GP9: variants seen among roughly 807,000 people sequenced by gnomAD.
The protein encoded by GP9 is glycoprotein IX platelet, also known as platelet glycoprotein IX.
For synonymous variants in GP9, 116 were observed against 116.7 expected (o/e 0.99, Z 0.04); for missense variants, 228 against 241.8 (o/e 0.94, Z 0.38).
chr3:129,058,114 T>C (rs1946538128), upstream of GP9, among the ~76,000 whole-genome samples: 1 of 152,166 alleles, frequency 6.6e-6, no homozygotes, highest in Admixed American at 6.5e-5. Flanking sequence ...AGTGCTGGGA[T>C]TGCAGGCGTG....
chr3:129,061,463 C>T (rs899538292), intron 1 of GP9, 31 bp from the exon 2 acceptor site: 5 of 565,068 alleles, frequency 8.8e-6, no homozygotes, highest in African/African-American at 7.5e-5. Context: ...GTCCCTTCCC[C>T]TTCCCAAAAA....
chr3:129,058,558 GACA>G (rs1295205840), upstream of GP9, among the ~76,000 whole-genome samples: 2 of 152,158 alleles, frequency 1.3e-5, no homozygotes, highest in African/African-American at 4.8e-5. Flanking sequence ...CACTAACATA[GACA>G]CTCCCCCTGG....
At chr3:129,061,650 G>A (rs1402276441) in intron 2 of GP9, 31 bp downstream of exon 2, 6 of 1,119,680 alleles carry the variant, frequency 5.4e-6, no homozygotes, top group African/African-American at 1.5e-5. Flanking sequence ...GTCAGGCTCC[G>A]CTACATCCCC....
chr3:129,061,831 C>G lies in GP9; in HGVS notation c.92C>G (p.Thr31Ser), dbSNP rs1051092529. Residue 31 changes from threonine to serine, a missense_variant, in exon 3 of 3, where the codon ACC becomes AGC. Thr to Ser is a moderately conservative substitution (Grantham distance 58). Coordinates refer to ENST00000307395, the MANE Select transcript of GP9 (RefSeq NM_000174.5). ...PSPCTCRALE[T>S]MGLWVDCRGH... ...CCATGTACCTGCCGCGCCCTGGAAA[C>G]CATGGGGCTGTGGGTGGACTGCAGG... 1 of 1,612,824 alleles carries G rather than the reference C, an allele frequency of 6.2e-7. No homozygotes were observed. Among genetic ancestry groups the G allele is most frequent in the Non-Finnish European group, 8.5e-7 (1 of 1,179,564 alleles).
upstream of GP9, among the ~76,000 whole-genome samples, chr3:129,058,217 C>T (rs1045709633): frequency 5.3e-5 from 8 of 152,192 alleles, no homozygotes; most frequent in Admixed American, 2.0e-4. Flanking sequence ...CCTGATGGGG[C>T]AATGTCCTGG....
At chr3:129,056,850 G>A (rs575864666), upstream of GP9, among the ~76,000 whole-genome samples, 2 of 152,342 alleles carry the variant, frequency 1.3e-5, no homozygotes, top group South Asian at 4.1e-4. Flanking sequence ...GGGAGTGAGG[G>A]ACATGGCTAG....
At chr3:129,055,252 AATTTT>A in the GP9 span, among the ~76,000 whole-genome samples, 1 of 152,144 alleles carries the variant, frequency 6.6e-6, no homozygotes. Context: ...AGGGGCTTAT[AATTTT>A]ATTTTTAGTT....
upstream of GP9, among the ~76,000 whole-genome samples, chr3:129,057,668 G>A (rs892556238): frequency 6.6e-6 from 1 of 152,088 alleles, no homozygotes; most frequent in Non-Finnish European, 1.5e-5. Context: ...AATAGATCCT[G>A]GTGACTGAAA....
Position 129,062,355 on chromosome 3 carries a change from C to A in GP9, c.*82C>A. 1.1e-6 allele frequency: 1 copy of A among 950,324 alleles called. No individual in the cohort carries two copies. The highest frequency in any genetic ancestry group is 1.6e-6 in the Non-Finnish European group (1 of 635,414). The allele number at this position is 950,324 out of a possible 1,614,324, so 58.9% of individuals were successfully genotyped here. A position where few individuals can be genotyped will look rare whatever the true frequency, so the allele number is the denominator to read the frequency against. ...CCCAGACTCCACCAAGCCTGGTCAG[C>A]CCAAACCACCAGAAGCCCAGAATAA... On this transcript the variant is annotated 3_prime_UTR_variant, in exon 3 of 3. Coordinates refer to ENST00000307395, the MANE Select transcript of GP9 (RefSeq NM_000174.5).
At chr3:129,056,406 C>T (rs1946521875), upstream of GP9, among the ~76,000 whole-genome samples, 1 of 152,192 alleles carries the variant, frequency 6.6e-6, no homozygotes, top group East Asian at 1.9e-4. Flanking sequence ...GAAAAATTGT[C>T]TTGGGGGATA....
chr3:129,056,551 G>A (rs1946523250), upstream of GP9, among the ~76,000 whole-genome samples: 1 of 152,196 alleles, frequency 6.6e-6, no homozygotes, highest in African/African-American at 2.4e-5. Context: ...CTCGTTATTT[G>A]TGTCATAGGC....
chr3:129,061,164 G>A (rs537109844), intron 1 of GP9, among the ~76,000 whole-genome samples: 18 of 152,276 alleles, frequency 1.2e-4, no homozygotes, highest in Non-Finnish European at 2.4e-4. Context: ...CCCTCTCTGG[G>A]CCTCAGTTTC....
rs1559984162 is a variant in GP9 at position 129,061,755 on chromosome 3, G to C, written c.16G>C (p.Ala6Pro). The change falls in exon 3 of 3, where the codon GCC becomes CCC. Residue 6 changes from alanine (A) to proline (P), a missense_variant. Ala to Pro is a conservative substitution (Grantham distance 27). Coordinates refer to ENST00000307395, the MANE Select transcript of GP9 (RefSeq NM_000174.5). MPAWGALFLLWATAEA... is the reference protein window; with the variant it reads MPAWGPLFLLWATAEA... ...AGCCTGTCCCATGCCTGCCTGGGGA[G>C]CCCTGTTCCTGCTCTGGGCCACAGC... The C allele has an allele frequency of 2.5e-6, 4 of 1,612,766 alleles. No individual in the cohort carries two copies. The highest frequency in any genetic ancestry group is 3.4e-6 in the Non-Finnish European group (4 of 1,179,728).
In GP9 at chr3:129,062,040, G is replaced by A; in HGVS notation, c.301G>A (p.Glu101Lys). The change falls in exon 3 of 3, where the codon GAG becomes AAG. Residue 101 changes from glutamate to lysine, a missense_variant. By Grantham distance (56) the Glu-to-Lys change is moderately conservative (BLOSUM62 1). Transcript: ENST00000307395. ...CCTCACCTATCTGCGCCTCTGGCTG[G>A]AGGACCGCACGCCCGAGGCCCTGCT... ...CSLTYLRLWL[E>K]DRTPEALLQV... The A allele has an allele frequency of 6.2e-7, 1 of 1,613,302 alleles. No homozygotes were observed. Among genetic ancestry groups the A allele is most frequent in the Non-Finnish European group, 8.5e-7 (1 of 1,179,840 alleles).
At chr3:129,059,844 G>A (rs940649856), upstream of GP9, among the ~76,000 whole-genome samples, 12 of 152,228 alleles carry the variant, frequency 7.9e-5, no homozygotes, top group Non-Finnish European at 1.5e-4. Context: ...CCGTAGGGCC[G>A]AGGAATATTC....
chr3:129,057,827 C>CTTTTTTTTTTTTTTTTTT (rs199729798), upstream of GP9, among the ~76,000 whole-genome samples: 1 of 136,316 alleles, frequency 7.3e-6, no homozygotes, highest in African/African-American at 3.0e-5. Context: ...TTATAGGTTG[C>CTTTTTTTTTTTTTTTTTT]TTCTTTTTTT....
intron 1 of GP9, 79 bp downstream of exon 1, chr3:129,060,929 G>C (rs1946567975): frequency 6.5e-6 from 1 of 152,810 alleles, no homozygotes; most frequent in Admixed American, 6.5e-5. Flanking sequence ...TAACAAGACA[G>C]GGTTGGGTGG....
upstream of GP9, among the ~76,000 whole-genome samples, chr3:129,058,712 T>TA (rs1946543059): frequency 2.6e-5 from 4 of 152,386 alleles, no homozygotes; most frequent in South Asian, 8.3e-4. Flanking sequence ...ATAGTGGCTG[T>TA]AAGTGCAGTT....
At chr3:129,061,667 T>G (rs1477592206) in intron 2 of GP9, 48 bp downstream of exon 2, 2 of 1,299,108 alleles carry the variant, frequency 1.5e-6, no homozygotes, top group Admixed American at 3.8e-5. Flanking sequence ...CCCCAGTGCT[T>G]GCCGTCCCTG....
Sources: gnomAD v4.1 joint callset for allele counts (sites outside exome capture counted in the v4.1 genomes callset) on GRCh38, gnomAD v4.1.1 for gene constraint, MANE v1.5 for transcripts, NCBI Gene and HGNC (gene_info 2026-07-23, HGNC 2026-07-21) for gene names.